The following DLGAP2 variants were observed in gnomAD, a reference collection of about 807,000 sequenced individuals.
The protein encoded by DLGAP2 is DLG associated protein 2.
Under a neutral mutation model 100.3 loss-of-function variants are expected in DLGAP2, and 26 were observed. The ratio of observed to expected loss-of-function variants is 0.26; its 90% CI spans 0.19 to 0.36. The LOEUF (loss-of-function observed/expected upper bound fraction) is 0.36, where lower values mean the gene tolerates loss of function less well. Among genes scored for constraint, DLGAP2 ranks in the 10% least tolerant of loss-of-function variants. The probability of loss-of-function intolerance (pLI) is 1.00; values close to 1 mark genes in which losing one functional copy is unlikely to be tolerated. For missense variants in DLGAP2, 1,858 were observed against 1,453.2 expected (o/e 1.28, Z -4.53); for synonymous variants, 886 against 630.1 (o/e 1.41, Z -6.08).
chr8:1,321,564 T>G (rs1484882647), intron 3 of DLGAP2, among the ~76,000 whole-genome samples: 1 of 152,250 alleles, frequency 6.6e-6, no homozygotes, highest in Non-Finnish European at 1.5e-5. Flanking sequence ...GAGCTGACTT[T>G]CCTCCACAGC....
chr8:1,420,788 C>G (rs1398848389), intron 3 of DLGAP2, among the ~76,000 whole-genome samples: 1 of 152,192 alleles, frequency 6.6e-6, no homozygotes, highest in African/African-American at 2.4e-5. Flanking sequence ...CCACAGTGAC[C>G]TTGATTAAAA....
intron 2 of DLGAP2, among the ~76,000 whole-genome samples, chr8:909,296 T>G (rs1798439450): frequency 6.6e-6 from 1 of 152,196 alleles, no homozygotes; most frequent in African/African-American, 2.4e-5. Context: ...TGCAACTGTG[T>G]CCATCAAAGT....
At chr8:1,091,109 C>G (rs1804165685) in intron 2 of DLGAP2, among the ~76,000 whole-genome samples, 1 of 152,140 alleles carries the variant, frequency 6.6e-6, no homozygotes, top group Non-Finnish European at 1.5e-5. Flanking sequence ...GCGCCCAGAC[C>G]CATCTCGAGC....
intron 2 of DLGAP2, among the ~76,000 whole-genome samples, chr8:1,183,172 GC>G (rs1335178937): frequency 6.6e-6 from 1 of 152,114 alleles, no homozygotes; most frequent in Non-Finnish European, 1.5e-5. Flanking sequence ...GGACACAGCA[GC>G]CAGGATCTAG....
intron 3 of DLGAP2, among the ~76,000 whole-genome samples, chr8:1,364,960 G>A (rs1204190879): frequency 6.6e-6 from 1 of 152,182 alleles, no homozygotes. Flanking sequence ...CTGGGCACAG[G>A]GCCCCACTCC....
intron 2 of DLGAP2, among the ~76,000 whole-genome samples, chr8:1,232,260 G>A (rs977146006): frequency 7.9e-5 from 12 of 152,214 alleles, no homozygotes; most frequent in African/African-American, 2.9e-4. Context: ...AAAGGACCCC[G>A]TGCTGAGGAG....
intron 2 of DLGAP2, among the ~76,000 whole-genome samples, chr8:1,211,643 A>AGGT (rs71188801): frequency 0.013 from 2,055 of 152,314 alleles, 20 homozygotes; most frequent in Non-Finnish European, 0.02. Context: ...TGGGAGGCCA[A>AGGT]GGTGGGTGGA....
chr8:764,560 A>G (rs1012899946), intron 1 of DLGAP2, among the ~76,000 whole-genome samples: 1 of 152,226 alleles, frequency 6.6e-6, no homozygotes, highest in African/African-American at 2.4e-5. Context: ...TTTGTGGTCT[A>G]GCCTTGTCAC....
At chr8:1,630,985 G>C (rs12678979) in intron 7 of DLGAP2, among the ~76,000 whole-genome samples, 3,874 of 88,784 alleles carry the variant, frequency 0.044, 160 homozygotes, top group African/African-American at 0.12. Context: ...CGGGAGGTCC[G>C]GGTGTCCCGA....
At chr8:1,365,553 G>A (rs1468679186) in intron 3 of DLGAP2, among the ~76,000 whole-genome samples, 1 of 152,178 alleles carries the variant, frequency 6.6e-6, no homozygotes, top group Non-Finnish European at 1.5e-5. Context: ...GCTTCGGGAA[G>A]TTTGCTCGCC....
chr8:893,314 G>C (rs1260869346), intron 1 of DLGAP2, among the ~76,000 whole-genome samples: 3 of 152,214 alleles, frequency 2.0e-5, no homozygotes, highest in Non-Finnish European at 4.4e-5. Context: ...AGGAAGGCAG[G>C]CACGGTGGAA....
chr8:1,442,454 C>G (rs1797862404), intron 3 of DLGAP2, among the ~76,000 whole-genome samples: 1 of 146,186 alleles, frequency 6.8e-6, no homozygotes, highest in African/African-American at 2.6e-5. Context: ...CGGATCCGGG[C>G]ATAGACCCGC....
chr8:802,055 C>T (rs1441736350), intron 1 of DLGAP2, among the ~76,000 whole-genome samples: 10,450 of 66,970 alleles, frequency 0.16, 15 homozygotes, highest in Middle Eastern at 0.19. Context: ...GCCTGGGGAA[C>T]AGTCTGCACC....
intron 3 of DLGAP2, among the ~76,000 whole-genome samples, chr8:1,291,793 C>T (rs576192912): frequency 4.6e-5 from 7 of 152,204 alleles, no homozygotes; most frequent in South Asian, 2.1e-4. Context: ...TTTCATCATA[C>T]GAGCAAATCC....
Position 1,141,637 on chromosome 8 carries a change from G to GTA in DLGAP2, c.74-117212_74-117211dup, listed in dbSNP as rs540727690. Among the ~76,000 whole-genome samples the GTA allele has an allele frequency of 1.5e-4, 23 of 152,124 alleles. No individual in the cohort carries two copies. In the South Asian group the frequency reaches 4.8e-3, roughly 32 times the overall value. On this transcript the variant is annotated intron_variant, in intron 2 of 14. Coordinates refer to ENST00000637795, the MANE Select transcript of DLGAP2 (RefSeq NM_001346810.2). ...TGGACATACTCAAAGACATGGGTAA[G>GTA]TATTAGCAAAAATTTGGAAACAACC...
At position 1,489,385 on chromosome 8, in the gene DLGAP2, C is replaced by G. The variant is rs117316330; in HGVS notation, c.107-11981C>G. 3.0e-3 allele frequency among the ~76,000 whole-genome samples: 454 copies of G among 152,276 alleles called. 4 individuals are homozygous for G. The Middle Eastern group carries it at 0.031, about 10-fold the overall frequency. Reference sequence around the variant, plus strand: ...GGACTGTTGTTCTGTGGGTGTCTTTCTAGATCGCAGTGGTGCCATTATCTG... The same window carrying G: ...GGACTGTTGTTCTGTGGGTGTCTTTGTAGATCGCAGTGGTGCCATTATCTG... On this transcript the variant is annotated intron_variant, in intron 3 of 14. Coordinates refer to ENST00000637795, the MANE Select transcript of DLGAP2 (RefSeq NM_001346810.2).
At chr8:1,009,378 A>G (rs1801211894) in intron 2 of DLGAP2, among the ~76,000 whole-genome samples, 1 of 152,232 alleles carries the variant, frequency 6.6e-6, no homozygotes, top group Non-Finnish European at 1.5e-5. Flanking sequence ...TATTTGACCT[A>G]AGGAACACAT....
chr8:1,491,340 C>T (rs1190506798), intron 3 of DLGAP2, among the ~76,000 whole-genome samples: 1 of 152,126 alleles, frequency 6.6e-6, no homozygotes, highest in African/African-American at 2.4e-5. Flanking sequence ...CTCCTGACCC[C>T]GGAGGCTTCG....
At chr8:1,155,758 G>C (rs1052230949) in intron 2 of DLGAP2, among the ~76,000 whole-genome samples, 2 of 152,196 alleles carry the variant, frequency 1.3e-5, no homozygotes, top group African/African-American at 4.8e-5. Flanking sequence ...GCGGGGCCTT[G>C]GTCGGTGGGG....
Sources: gnomAD v4.1 joint callset for allele counts (sites outside exome capture counted in the v4.1 genomes callset) on GRCh38, gnomAD v4.1.1 for gene constraint, MANE v1.5 for transcripts, NCBI Gene and HGNC (gene_info 2026-07-23, HGNC 2026-07-21) for gene names.